The following TTC28 variants were observed in gnomAD, a reference collection of about 807,000 sequenced individuals.
TTC28 encodes the protein tetratricopeptide repeat domain 28, also known as tetratricopeptide repeat protein 28.
Under a neutral mutation model 198.0 loss-of-function variants are expected in TTC28, and 61 were observed. That is an observed-to-expected ratio of 0.31 (90% CI 0.25 to 0.38). The LOEUF is 0.38. TTC28 is among the 10% of genes least tolerant of loss of function. The pLI, the probability that TTC28 is intolerant of heterozygous loss-of-function variation, is 1.00. For synonymous variants in TTC28, 1,171 were observed against 1,297.8 expected (o/e 0.90, Z 2.10); for missense variants, 2,678 against 3,164.0 (o/e 0.85, Z 3.69).
At chr22:28,195,874 T>C (rs561579878) in intron 5 of TTC28, among the ~76,000 whole-genome samples, 1 of 151,790 alleles carries the variant, frequency 6.6e-6, no homozygotes, top group South Asian at 2.1e-4. Flanking sequence ...AGGTAATTTA[T>C]AGATTCAGTG....
intron 1 of TTC28, among the ~76,000 whole-genome samples, chr22:28,674,750 C>A (rs981491661): frequency 6.8e-6 from 1 of 146,054 alleles, no homozygotes; most frequent in African/African-American, 2.5e-5. Flanking sequence ...ACCCAGGAGG[C>A]AGAGGTTACA....
intron 2 of TTC28, among the ~76,000 whole-genome samples, chr22:28,539,727 G>A (rs2049370261): frequency 6.6e-6 from 1 of 151,168 alleles, no homozygotes; most frequent in South Asian, 2.1e-4. Flanking sequence ...AGCCACAAAG[G>A]CCCAGGGATA....
chr22:28,018,306 C>CGCACGCGCGCGG (rs1451764096), intron 13 of TTC28, among the ~76,000 whole-genome samples: 2 of 49,192 alleles, frequency 4.1e-5, no homozygotes, highest in African/African-American at 1.2e-4. Context: ...TGTGCGCGCG[C>CGCACGCGCGCGG]GGGGGGGGGG....
At chr22:28,006,272 G>A (rs1394581509) in intron 14 of TTC28, among the ~76,000 whole-genome samples, 3 of 152,192 alleles carry the variant, frequency 2.0e-5, no homozygotes, top group East Asian at 3.9e-4. Flanking sequence ...ACAGGACAGC[G>A]CTAACATCCA....
chr22:28,044,287 A>G (rs1057345395), intron 12 of TTC28, among the ~76,000 whole-genome samples: 1 of 152,228 alleles, frequency 6.6e-6, no homozygotes, highest in Non-Finnish European at 1.5e-5. Flanking sequence ...GTATAGAACA[A>G]ACCTTCTGTT....
At chr22:28,086,691 C>T (rs1375867238) in intron 12 of TTC28, among the ~76,000 whole-genome samples, 1 of 152,088 alleles carries the variant, frequency 6.6e-6, no homozygotes, top group Non-Finnish European at 1.5e-5. Context: ...AATAGAGACA[C>T]AAAAAACCCT....
chr22:28,635,104 G>A (rs1407745691), intron 1 of TTC28, among the ~76,000 whole-genome samples: 3 of 151,968 alleles, frequency 2.0e-5, no homozygotes, highest in Non-Finnish European at 2.9e-5. Context: ...GGCGGATCAC[G>A]AGGTCAGGAG....
chr22:28,188,299 A>G (rs1220949881), intron 5 of TTC28, among the ~76,000 whole-genome samples: 7 of 152,214 alleles, frequency 4.6e-5, no homozygotes, highest in African/African-American at 1.7e-4. Flanking sequence ...AAGATGGAAA[A>G]CAGATGGATA....
In TTC28 at chr22:28,248,885, G is replaced by T. The variant is rs540039547; in HGVS notation, c.933+47313C>A. On this transcript the variant is annotated intron_variant, in intron 5 of 22. Transcript: ENST00000397906. ...AGCAGTATTGGGGCATTTAGCAGGGGGGGAAATACAGAACCATACAAACTG... is the reference window on the plus strand; with the variant it reads ...AGCAGTATTGGGGCATTTAGCAGGGTGGGAAATACAGAACCATACAAACTG... Among the ~76,000 whole-genome samples, 12 of 152,156 alleles carry T rather than the reference G, an allele frequency of 7.9e-5. No homozygotes were observed. The South Asian group carries it at 1.9e-3, about 24-fold the overall frequency.
chr22:28,571,575 AT>A (rs765191288), intron 2 of TTC28, among the ~76,000 whole-genome samples: 1 of 152,232 alleles, frequency 6.6e-6, no homozygotes, highest in Non-Finnish European at 1.5e-5. Flanking sequence ...GAACTCTCTA[AT>A]TTATCCTGAA....
At chr22:28,230,578 A>G (rs1928724904) in intron 5 of TTC28, among the ~76,000 whole-genome samples, 1 of 152,192 alleles carries the variant, frequency 6.6e-6, no homozygotes, top group Non-Finnish European at 1.5e-5. Flanking sequence ...TTTCCTTTAC[A>G]TGCCATGCCA....
chr22:28,107,117 G>T lies in TTC28; in HGVS notation c.2728C>A (p.Leu910Met). ...TTGGCTTGGTCTTGCATGCGATTCA[G>T]ACTCTGCGCGACAGATAAATATTGT... Reference protein sequence around the residue: ...YEQYLSVAQSLNRMQDQAKAY... With the variant: ...YEQYLSVAQSMNRMQDQAKAY... The change falls in exon 7 of 23, where the codon CTG becomes ATG. Residue 910 changes from leucine to methionine, a missense_variant. Coordinates refer to ENST00000397906, the MANE Select transcript of TTC28 (RefSeq NM_001145418.2). 1 of 1,551,680 alleles carries T rather than the reference G, an allele frequency of 6.4e-7. No individual in the cohort carries two copies.
At chr22:28,050,754 A>G (rs1368307223) in intron 12 of TTC28, among the ~76,000 whole-genome samples, 2 of 152,228 alleles carry the variant, frequency 1.3e-5, no homozygotes, top group Non-Finnish European at 2.9e-5. Context: ...TGAGAATATT[A>G]TAGCAAAACT....
chr22:28,077,228 T>C (rs1319856530), intron 12 of TTC28, among the ~76,000 whole-genome samples: 1 of 152,208 alleles, frequency 6.6e-6, no homozygotes, highest in African/African-American at 2.4e-5. Flanking sequence ...AAGATTCCTG[T>C]TCATGCACAA....
intron 2 of TTC28, among the ~76,000 whole-genome samples, chr22:28,495,370 C>T (rs2048440478): frequency 6.6e-6 from 1 of 152,088 alleles, no homozygotes; most frequent in South Asian, 2.1e-4. Context: ...TAAAGTGCAT[C>T]AGAATTCTCA....
intron 2 of TTC28, among the ~76,000 whole-genome samples, chr22:28,617,158 A>G (rs1021139952): frequency 6.6e-6 from 1 of 152,146 alleles, no homozygotes; most frequent in Non-Finnish European, 1.5e-5. Flanking sequence ...GAAAATTCCA[A>G]AACAGAAAGA....
At chr22:28,428,617 T>C (rs1044847626) in intron 2 of TTC28, among the ~76,000 whole-genome samples, 2 of 134,798 alleles carry the variant, frequency 1.5e-5, no homozygotes, top group African/African-American at 6.3e-5. Flanking sequence ...ATTATTTTAT[T>C]TTATTTTATT....
At chr22:28,629,436 A>C in intron 2 of TTC28, 116 bp downstream of exon 2, 1 of 1,067,304 alleles carries the variant, frequency 9.4e-7, no homozygotes, top group Non-Finnish European at 1.3e-6. Context: ...ATTTTGCTGA[A>C]GTACAGATTA....
At chr22:28,242,639 C>G (rs1929737519) in intron 5 of TTC28, among the ~76,000 whole-genome samples, 1 of 152,114 alleles carries the variant, frequency 6.6e-6, no homozygotes, top group Non-Finnish European at 1.5e-5. Flanking sequence ...GTTATTGGGT[C>G]AGTGTTTTTT....
Sources: allele counts gnomAD v4.1 joint callset (sites outside exome capture counted in the v4.1 genomes callset), GRCh38; gene constraint gnomAD v4.1.1; transcripts MANE v1.5; gene names NCBI Gene and HGNC (gene_info 2026-07-23, HGNC 2026-07-21).